NFIA: variants seen among roughly 807,000 people sequenced by gnomAD.
NFIA encodes nuclear factor 1 A-type.
Under a neutral mutation model 62.8 loss-of-function variants are expected in NFIA, and 8 were observed. The observed-to-expected ratio is 0.13, with a 90% CI of 0.07 to 0.23. The LOEUF is 0.23. Among genes scored for constraint, NFIA ranks in the 10% least tolerant of loss-of-function variants. The pLI, the probability that NFIA is intolerant of heterozygous loss-of-function variation, is 1.00. For synonymous variants in NFIA, 235 were observed against 238.1 expected, an observed-to-expected ratio of 0.99 and a Z score of 0.12; for missense variants, 410 against 642.1, an observed-to-expected ratio of 0.64 and a Z score of 3.91.
upstream of NFIA, among the ~76,000 whole-genome samples, chr1:61,081,552 C>T (rs1160987051): frequency 6.6e-6 from 1 of 152,006 alleles, no homozygotes; most frequent in Non-Finnish European, 1.5e-5. Flanking sequence ...ATATTTTTTT[C>T]CTCCTAAAAA....
At chr1:61,134,509 A>G (rs1219283603) in intron 2 of NFIA, among the ~76,000 whole-genome samples, 1 of 152,076 alleles carries the variant, frequency 6.6e-6, no homozygotes, top group Non-Finnish European at 1.5e-5. Flanking sequence ...TCTTGCTTAC[A>G]TGTCTCATGA....
At chr1:61,346,363 A>G (rs1255268068) in intron 4 of NFIA, among the ~76,000 whole-genome samples, 13 of 152,244 alleles carry the variant, frequency 8.5e-5, no homozygotes, top group Admixed American at 8.5e-4. Context: ...TGGGCAGGCC[A>G]GAATTTATGT....
chr1:61,388,277 T>A (rs946148472), intron 7 of NFIA, among the ~76,000 whole-genome samples: 3 of 152,234 alleles, frequency 2.0e-5, no homozygotes, highest in African/African-American at 7.2e-5. Flanking sequence ...AGCTGAAAGA[T>A]TGAGCTTTCA....
chr1:61,462,024 G>GTTTTTTTTTTTTTTTTTTTTGTTT lies in NFIA; in HGVS notation c.*6722_*6723insTTGTTTTTTTTTTTTTTTTTTTTT, dbSNP rs368139522. On this transcript the variant is annotated 3_prime_UTR_variant, in exon 11 of 11. Transcript: ENST00000403491. ...ATAGTCTGTAAGTTAGCCTTTTTGGGTTTTTTTTTTTTTTTTTTGGCTTTT... is the reference window on the plus strand; with the variant it reads ...ATAGTCTGTAAGTTAGCCTTTTTGGGTTTTTTTTTTTTTTTTTTTTGTTTTTTTTTTTTTTTTTTTTTGGCTTTT... The GTTTTTTTTTTTTTTTTTTTTGTTT allele has an allele frequency of 6.8e-5, 5 of 73,210 alleles. No homozygotes were observed. The highest frequency in any genetic ancestry group is 2.0e-4 in the African/African-American group (3 of 14,900). 4.5% of individuals were successfully genotyped at this position (73,210 alleles called of 1,614,324 possible). A position where few individuals can be genotyped will look rare whatever the true frequency, so the allele number is the denominator to read the frequency against.
intron 3 of NFIA, among the ~76,000 whole-genome samples, chr1:61,328,746 C>T (rs1172259962): frequency 1.8e-4 from 17 of 94,500 alleles, no homozygotes; most frequent in African/African-American, 6.9e-4. Flanking sequence ...TTTTTTGAGA[C>T]GGATCTTGCT....
chr1:61,203,968 G>A (rs1283951782), intron 2 of NFIA, among the ~76,000 whole-genome samples: 1 of 152,200 alleles, frequency 6.6e-6, no homozygotes, highest in African/African-American at 2.4e-5. Flanking sequence ...TTAGGTGTGT[G>A]TATGAGCTGT....
At chr1:61,132,759 T>TCA (rs1196014393) in intron 2 of NFIA, 1 of 152,188 alleles carries the variant, frequency 6.6e-6, no homozygotes, top group African/African-American at 2.4e-5. Context: ...TTATAACAAA[T>TCA]CATAGATCAT....
intron 2 of NFIA, among the ~76,000 whole-genome samples, chr1:61,257,605 T>C (rs1039453144): frequency 6.6e-6 from 1 of 152,172 alleles, no homozygotes; most frequent in African/African-American, 2.4e-5. Flanking sequence ...CCCAAAGTGC[T>C]GGGATTATAG....
intron 3 of NFIA, among the ~76,000 whole-genome samples, chr1:61,326,036 A>G (rs1660920021): frequency 6.6e-6 from 1 of 151,624 alleles, no homozygotes; most frequent in African/African-American, 2.4e-5. Context: ...CACACATTCC[A>G]CTAAGGTAAG....
At chr1:61,151,174 G>C (rs1648371539) in intron 2 of NFIA, among the ~76,000 whole-genome samples, 1 of 152,084 alleles carries the variant, frequency 6.6e-6, no homozygotes, top group African/African-American at 2.4e-5. Flanking sequence ...ACACACATAA[G>C]AGGAAATTGA....
At chr1:61,290,984 A>G (rs146556734) in intron 3 of NFIA, among the ~76,000 whole-genome samples, 174 of 152,306 alleles carry the variant, frequency 1.1e-3, no homozygotes, top group African/African-American at 4.1e-3. Context: ...TGAATTATCT[A>G]TTATTTAGCA....
At chr1:61,134,941 A>G (rs1647154660) in intron 2 of NFIA, among the ~76,000 whole-genome samples, 1 of 152,256 alleles carries the variant, frequency 6.6e-6, no homozygotes, top group East Asian at 1.9e-4. Context: ...ATAGCAACTG[A>G]AAAGAAAATA....
At chr1:61,313,229 A>G (rs1014826986) in intron 3 of NFIA, among the ~76,000 whole-genome samples, 2 of 152,222 alleles carry the variant, frequency 1.3e-5, no homozygotes, top group African/African-American at 4.8e-5. Flanking sequence ...TTGCTTTGCT[A>G]TAAAGGAATA....
chr1:61,333,860 C>T (rs529682702), intron 4 of NFIA, among the ~76,000 whole-genome samples: 1 of 152,140 alleles, frequency 6.6e-6, no homozygotes, highest in East Asian at 1.9e-4. Flanking sequence ...ATTAGCTGGG[C>T]ATGGTGGTGC....
In NFIA at chr1:61,094,814, C is replaced by T. The variant is rs575453056; in HGVS notation, c.559+6134C>T. Reference sequence around the variant, plus strand: ...CTCATGTTTTGTTTTAACTCCACAGCGTAAAGCATATTTTATCTAATGGAA... The same window carrying T: ...CTCATGTTTTGTTTTAACTCCACAGTGTAAAGCATATTTTATCTAATGGAA... On this transcript the variant is annotated intron_variant, in intron 2 of 10. Transcript: ENST00000403491. Among the ~76,000 whole-genome samples the T allele has an allele frequency of 3.9e-5, 6 of 152,244 alleles. No individual in the cohort carries two copies. The South Asian group carries it at 1.0e-3, about 26-fold the overall frequency.
intron 6 of NFIA, among the ~76,000 whole-genome samples, chr1:61,365,509 A>G (rs1359353792): frequency 6.6e-6 from 1 of 152,222 alleles, no homozygotes; most frequent in Non-Finnish European, 1.5e-5. Context: ...ATACCTCACT[A>G]TAAGAAAAAC....
intron 2 of NFIA, among the ~76,000 whole-genome samples, chr1:61,109,921 T>C (rs1646666803): frequency 6.6e-6 from 1 of 152,040 alleles, no homozygotes; most frequent in Non-Finnish European, 1.5e-5. Context: ...TTAATTATTT[T>C]ATGTTATACA....
intron 2 of NFIA, among the ~76,000 whole-genome samples, chr1:61,112,629 A>G (rs1930314): frequency 0.076 from 11,643 of 152,294 alleles, 444 homozygotes; most frequent in East Asian, 0.098. Context: ...GATAGCTCAC[A>G]TCTGTAATCA....
chr1:61,298,057 A>G (rs944863388), intron 3 of NFIA, among the ~76,000 whole-genome samples: 1 of 152,104 alleles, frequency 6.6e-6, no homozygotes, highest in African/African-American at 2.4e-5. Flanking sequence ...CCCCACCCAA[A>G]TCTCATCTCG....
Sources: allele counts gnomAD v4.1 joint callset (sites outside exome capture counted in the v4.1 genomes callset), GRCh38; gene constraint gnomAD v4.1.1; transcripts MANE v1.5; gene names NCBI Gene and HGNC (gene_info 2026-07-23, HGNC 2026-07-21).